The following BCOR variants were observed in gnomAD, a reference collection of about 807,000 sequenced individuals.
BCOR encodes the protein BCL-6 corepressor.
A neutral mutation model predicts 86.7 loss-of-function variants in BCOR; 10 were observed. The ratio of observed to expected loss-of-function variants is 0.12; its 90% CI spans 0.07 to 0.20. The LOEUF is 0.20. Among genes scored for constraint, BCOR ranks in the 10% least tolerant of loss-of-function variants. The pLI is 1.00. For missense variants in BCOR, 1,259 were observed against 1,452.1 expected (o/e 0.87, Z 2.16); for synonymous variants, 611 against 609.0 (o/e 1.00, Z -0.05).
rs780345320 is a variant in BCOR at position 40,138,680 on chromosome X, G to T, written c.-41+38327C>A. The stretch of plus-strand genomic sequence containing the variant: ...AGCGATTCTCCTGCCTCAGCCTCCC[G>T]AGTAGCTGGGGTTACAGGCACCCAC... On this transcript the variant is annotated intron_variant, in intron 1 of 14. Coordinates refer to the BCOR transcript ENST00000342274. Among the ~76,000 whole-genome samples, 3 of 110,153 alleles carry T rather than the reference G, an allele frequency of 2.7e-5. No homozygotes were observed. In the East Asian group the frequency reaches 8.5e-4, roughly 31 times the overall value.
upstream of BCOR, among the ~76,000 whole-genome samples, chrX:40,100,251 T>C: frequency 8.9e-6 from 1 of 112,924 alleles, no homozygotes; most frequent in South Asian, 3.6e-4. Context: ...GGGGAAACTC[T>C]GAACGTGGTT....
intron 6 of BCOR, among the ~76,000 whole-genome samples, chrX:40,066,112 CACG>C (rs1319480920): frequency 9.0e-6 from 1 of 111,687 alleles, no homozygotes; most frequent in African/African-American, 3.3e-5. Flanking sequence ...CATCCTCACT[CACG>C]ACAGTGCACT....
At chrX:40,090,865 A>AG (rs1288334101) in intron 1 of BCOR, among the ~76,000 whole-genome samples, 3 of 111,922 alleles carry the variant, frequency 2.7e-5, no homozygotes, top group Non-Finnish European at 5.7e-5. Context: ...ATAGAAATGG[A>AG]GGGGGGACGC....
chrX:40,172,253 C>T (rs895915805), intron 1 of BCOR, among the ~76,000 whole-genome samples: 1 of 112,488 alleles, frequency 8.9e-6, no homozygotes, highest in Non-Finnish European at 1.9e-5. Context: ...CATCCACGCG[C>T]AGGCCCCACC....
intron 1 of BCOR, among the ~76,000 whole-genome samples, chrX:40,150,003 G>C (rs965795854): frequency 2.7e-5 from 3 of 112,504 alleles, no homozygotes; most frequent in Non-Finnish European, 5.6e-5. Context: ...AGGAGACTGG[G>C]ACATCGAAGC....
In BCOR at chrX:40,062,963, G is replaced by A. The variant is rs758900726; in HGVS notation, c.3956C>T (p.Ala1319Val). ...PSCAPASRPP[A>V]KQQKIKENQK... ...GTTTTCTTTAATTTTCTGCTGTTTG[G>A]CAGGCGGCCTGGAGGCTGGTGCGCA... The change falls in exon 9 of 15, where the codon GCC becomes GTC. Residue 1319 changes from alanine to valine, a missense_variant. By Grantham distance (64) the Ala-to-Val change is moderately conservative. This residue lies in a region of BCOR where 305 missense variants were observed against 286.1 expected (regional missense o/e 1.07). Coordinates refer to ENST00000378444, the MANE Select transcript of BCOR (RefSeq NM_001123385.2). 5 of 1,189,802 alleles carry A rather than the reference G, an allele frequency of 4.2e-6. No individual in the cohort carries two copies. The Admixed American group carries it at 1.2e-4, about 28-fold the overall frequency.
At chrX:40,083,069 A>C (rs1165231760) in intron 1 of BCOR, among the ~76,000 whole-genome samples, 1 of 106,792 alleles carries the variant, frequency 9.4e-6, no homozygotes, top group Non-Finnish European at 1.9e-5. Context: ...TCCGGGTGTC[A>C]AGGAAGGGAG....
chrX:40,071,204 C>A lies in BCOR; in HGVS notation c.3052-45G>T, dbSNP rs773850943. The A allele has an allele frequency of 2.9e-5, 32 of 1,117,720 alleles. No homozygotes were observed. In the South Asian group the frequency reaches 6.4e-4, roughly 22 times the overall value. The allele number at this position is 1,117,720 out of a possible 1,213,427, so 92.1% of individuals were successfully genotyped here. On this transcript the variant is annotated intron_variant, in intron 5 of 14. Transcript: ENST00000378444. ...GGAAAAAAAAAAAAACAACACCTTA[C>A]CATAAAAGCTATTTCATTTGCCTTA...
intron 1 of BCOR, among the ~76,000 whole-genome samples, chrX:40,092,722 C>T (rs1414718133): frequency 8.9e-6 from 1 of 111,935 alleles, no homozygotes; most frequent in East Asian, 2.8e-4. Context: ...ACCCGCTGCC[C>T]ACTCCACCTC....
intron 6 of BCOR, among the ~76,000 whole-genome samples, chrX:40,067,009 T>C (rs1320164887): frequency 2.9e-5 from 3 of 102,243 alleles, no homozygotes; most frequent in Admixed American, 1.1e-4. Context: ...CCATTTGAAC[T>C]CCAGGTCTCA....
intron 6 of BCOR, among the ~76,000 whole-genome samples, chrX:40,066,592 T>C (rs1331634986): frequency 9.0e-6 from 1 of 111,596 alleles, no homozygotes; most frequent in Admixed American, 9.5e-5. Context: ...AAGTTTAAGA[T>C]GTGAACTGAT....
At chrX:40,176,269 G>T (rs1302412565) in intron 1 of BCOR, among the ~76,000 whole-genome samples, 3 of 112,273 alleles carry the variant, frequency 2.7e-5, no homozygotes, top group African/African-American at 9.7e-5. Flanking sequence ...CCGCTCTTCC[G>T]GGGGAAAGGG....
intron 1 of BCOR, among the ~76,000 whole-genome samples, chrX:40,167,737 C>T (rs1011492087): frequency 9.0e-6 from 1 of 111,623 alleles, no homozygotes; most frequent in Non-Finnish European, 1.9e-5. Context: ...TCTGCGGCGA[C>T]ACACACACAC....
At chrX:40,134,899 T>G (rs1047574803) in intron 1 of BCOR, among the ~76,000 whole-genome samples, 12 of 111,793 alleles carry the variant, frequency 1.1e-4, no homozygotes, top group Admixed American at 2.9e-4. Flanking sequence ...GTGATGAGAT[T>G]CCATTAACCA....
intron 1 of BCOR, among the ~76,000 whole-genome samples, chrX:40,141,663 TC>T (rs1010009198): frequency 1.8e-5 from 2 of 110,628 alleles, no homozygotes; most frequent in African/African-American, 6.6e-5. Flanking sequence ...TTCTGCTTGT[TC>T]AGGGCAAGAG....
At chrX:40,121,065 G>T (rs1937478138) in intron 1 of BCOR, among the ~76,000 whole-genome samples, 1 of 111,251 alleles carries the variant, frequency 9.0e-6, no homozygotes, top group South Asian at 3.8e-4. Flanking sequence ...AGGATTCTAG[G>T]GTGGCCAGAT....
In BCOR at chrX:40,051,442, G is replaced by C. The variant is rs1203092870; in HGVS notation, c.*667C>G. The C allele has an allele frequency of 2.4e-5, 4 of 169,688 alleles. No individual in the cohort carries two copies. Among genetic ancestry groups the C allele is most frequent in the African/African-American group, 1.2e-4 (4 of 33,529 alleles). 14.0% of individuals were successfully genotyped at this position (169,688 alleles called of 1,213,427 possible). On this transcript the variant is annotated 3_prime_UTR_variant, in exon 15 of 15. Transcript: ENST00000378444. Reference sequence around the variant, plus strand: ...TATGTTAGTTTTCAATATTTTACAGGGTACAGAAAAAAATAGCTCAAAGTC... The same window carrying C: ...TATGTTAGTTTTCAATATTTTACAGCGTACAGAAAAAAATAGCTCAAAGTC...
intron 1 of BCOR, among the ~76,000 whole-genome samples, chrX:40,119,029 T>C (rs1208723678): frequency 8.9e-6 from 1 of 111,917 alleles, no homozygotes; most frequent in East Asian, 2.8e-4. Context: ...GACAGGGTTT[T>C]GCCATGTTGG....
intron 11 of BCOR, among the ~76,000 whole-genome samples, chrX:40,056,066 T>C (rs1293123398): frequency 9.1e-6 from 1 of 109,756 alleles, no homozygotes; most frequent in East Asian, 2.8e-4. Flanking sequence ...GTGATCCTCC[T>C]GCCTCGGCCT....
Sources: allele counts gnomAD v4.1 joint callset (sites outside exome capture counted in the v4.1 genomes callset), GRCh38; gene constraint gnomAD v4.1.1; regional missense constraint gnomAD v4.1.1; transcripts MANE v1.5; gene names NCBI Gene and HGNC (gene_info 2026-07-23, HGNC 2026-07-21).